RAPGEF1: variants seen among roughly 807,000 people sequenced by gnomAD.
The protein encoded by RAPGEF1 is Rap guanine nucleotide exchange factor 1.
A neutral mutation model predicts 143.3 loss-of-function variants in RAPGEF1; 33 were observed. That is an observed-to-expected ratio of 0.23 (90% CI 0.17 to 0.31). The LOEUF is 0.31. Ranked by LOEUF, RAPGEF1 falls within the 10% of genes least tolerant of loss-of-function variation. The pLI is 1.00. For synonymous variants in RAPGEF1, 629 were observed against 676.5 expected, an observed-to-expected ratio of 0.93 and a Z score of 1.09; for missense variants, 1,199 against 1,645.4, an observed-to-expected ratio of 0.73 and a Z score of 4.69.
Position 131,643,283 on chromosome 9 carries a change from C to T in RAPGEF1, c.450G>A (p.Glu150=). 6.2e-7 allele frequency: 1 copy of T among 1,613,060 alleles called. No individual in the cohort carries two copies. The highest frequency in any genetic ancestry group is 8.5e-7 in the Non-Finnish European group (1 of 1,179,676). ...MLPGSASKVL[E]AILPLVQNDP... Reference sequence around the variant, plus strand: ...CGTTCTGCACCAGGGGTAAGATGGCCTCCAGCACCTTGCTGGCTGACCCTG... The same window carrying T: ...CGTTCTGCACCAGGGGTAAGATGGCTTCCAGCACCTTGCTGGCTGACCCTG... Residue 150 remains glutamate, a synonymous_variant, in exon 4 of 27, where the codon GAG becomes GAA. Transcript: ENST00000683357.
intron 1 of RAPGEF1, chr9:131,709,999 A>T: frequency 1.1e-6 from 1 of 951,306 alleles, no homozygotes; most frequent in Non-Finnish European, 1.3e-6. Context: ...ATTACTCATC[A>T]GCACAACAGC....
At chr9:131,614,890 C>T (rs1180552649) in intron 12 of RAPGEF1, among the ~76,000 whole-genome samples, 2 of 149,398 alleles carry the variant, frequency 1.3e-5, no homozygotes, top group African/African-American at 4.9e-5. Context: ...AATATAACTT[C>T]TACTCACAAC....
intron 5 of RAPGEF1, among the ~76,000 whole-genome samples, chr9:131,636,731 G>A (rs1437741258): frequency 6.6e-6 from 1 of 152,154 alleles, no homozygotes; most frequent in African/African-American, 2.4e-5. Flanking sequence ...AGTGACTCAG[G>A]GCTGCTGATA....
intron 18 of RAPGEF1, 107 bp downstream of exon 18, chr9:131,591,992 C>T (rs892164109): frequency 1.1e-5 from 9 of 830,694 alleles, no homozygotes; most frequent in Non-Finnish European, 1.6e-5. Flanking sequence ...CACACTGCCA[C>T]CCAATATGCT....
rs549989363 is a variant in RAPGEF1, at chr9:131,701,422, C to T, written c.61+38348G>A. On this transcript the variant is annotated intron_variant, in intron 1 of 26. Coordinates refer to ENST00000683357, the MANE Select transcript of RAPGEF1 (RefSeq NM_001377935.1). The stretch of plus-strand genomic sequence containing the variant: ...ATCTGATCTTTCACTTAAGAAAAAA[C>T]CGATTTCCAGGACACTTTAGTTACA... Among the ~76,000 whole-genome samples, 238 of 152,292 alleles carry T rather than the reference C, an allele frequency of 1.6e-3. 2 individuals carry two copies. The highest frequency in any genetic ancestry group is 5.6e-3 in the African/African-American group (232 of 41,558).
intron 5 of RAPGEF1, among the ~76,000 whole-genome samples, chr9:131,633,876 T>C (rs1965619803): frequency 6.6e-6 from 1 of 152,228 alleles, no homozygotes; most frequent in Non-Finnish European, 1.5e-5. Context: ...TGACCATTTA[T>C]AATTTGGCAT....
chr9:131,615,394 A>G (rs1025536276), intron 12 of RAPGEF1, among the ~76,000 whole-genome samples: 4 of 152,054 alleles, frequency 2.6e-5, no homozygotes, highest in Admixed American at 2.6e-4. Flanking sequence ...GTTTTTTCCA[A>G]TGCCAACCCT....
At chr9:131,613,738 C>T (rs1958420882) in intron 12 of RAPGEF1, among the ~76,000 whole-genome samples, 2 of 152,146 alleles carry the variant, frequency 1.3e-5, no homozygotes, top group African/African-American at 2.4e-5. Flanking sequence ...AGCCTGCACT[C>T]AAACAGCTGG....
chr9:131,720,674 A>T (rs527927738), intron 1 of RAPGEF1, among the ~76,000 whole-genome samples: 12 of 152,276 alleles, frequency 7.9e-5, no homozygotes, highest in African/African-American at 1.9e-4. Context: ...TGTCACAAAC[A>T]TCAAGCTTCT....
intron 3 of RAPGEF1, among the ~76,000 whole-genome samples, chr9:131,649,845 C>T (rs990681585): frequency 5.3e-5 from 8 of 152,176 alleles, no homozygotes; most frequent in African/African-American, 1.7e-4. Flanking sequence ...GACTCGCCCA[C>T]ATCCCCTGGA....
chr9:131,660,698 T>G (rs1973826513), intron 1 of RAPGEF1, among the ~76,000 whole-genome samples: 1 of 152,230 alleles, frequency 6.6e-6, no homozygotes, highest in Non-Finnish European at 1.5e-5. Flanking sequence ...ATAGTCAAAC[T>G]GCCCCCCACT....
chr9:131,673,612 C>A (rs1413534520), intron 1 of RAPGEF1, among the ~76,000 whole-genome samples: 2 of 152,122 alleles, frequency 1.3e-5, no homozygotes, highest in African/African-American at 4.8e-5. Context: ...ACCCTGTGAC[C>A]CAAAGCACAG....
chr9:131,607,666 G>T (rs1957327732), intron 12 of RAPGEF1, among the ~76,000 whole-genome samples: 1 of 152,130 alleles, frequency 6.6e-6, no homozygotes, highest in South Asian at 2.1e-4. Context: ...AGATCTGCCA[G>T]ATGTTCATTC....
In RAPGEF1 at chr9:131,739,774, T is replaced by C; in HGVS notation, c.57A>G (p.Lys19=). ...RSPEMSGKIE[K]ADSQRSHLSS... ...CGCCCCACGCCCGCGCCTCACCTGC[T>C]TTCTCGATCTTGCCGGACATTTCCG... The change falls in exon 1 of 27, where the codon AAA becomes AAG. Residue 19 remains lysine (K), a synonymous_variant. Coordinates refer to ENST00000683357, the MANE Select transcript of RAPGEF1 (RefSeq NM_001377935.1). 2 of 1,174,590 alleles carry C rather than the reference T, an allele frequency of 1.7e-6. No individual in the cohort carries two copies. Among genetic ancestry groups the C allele is most frequent in the South Asian group, 1.8e-5 (1 of 57,052 alleles). 72.8% of individuals were successfully genotyped at this position (1,174,590 alleles called of 1,614,324 possible). A position where few individuals can be genotyped will look rare whatever the true frequency, so the allele number is the denominator to read the frequency against.
chr9:131,624,346 G>T (rs1275766953), intron 10 of RAPGEF1, among the ~76,000 whole-genome samples: 1 of 152,202 alleles, frequency 6.6e-6, no homozygotes, highest in Non-Finnish European at 1.5e-5. Context: ...GTTTTTTAGA[G>T]GTTTGCAGGC....
rs762007316 is a variant in RAPGEF1 at position 131,592,079 on chromosome 9, G to C, written c.2774+20C>G. The C allele has an allele frequency of 1.1e-5, 18 of 1,579,686 alleles. 1 individual carries two copies. Among genetic ancestry groups the C allele is most frequent in the Non-Finnish European group, 1.5e-5 (17 of 1,149,264 alleles). ...AAATGCCCATGGTGCAGGGGCCCTGGGTCAGGAAGGAAAGGATATCTGTAC... is the reference window on the plus strand; with the variant it reads ...AAATGCCCATGGTGCAGGGGCCCTGCGTCAGGAAGGAAAGGATATCTGTAC... On this transcript the variant is annotated intron_variant, in intron 18 of 26. Transcript: ENST00000683357.
chr9:131,737,327 C>T (rs1161374276), intron 1 of RAPGEF1: 2 of 1,608,954 alleles, frequency 1.2e-6, no homozygotes, highest in East Asian at 2.2e-5. Flanking sequence ...TATCTCAGCC[C>T]TCTCTTCAGA....
At chr9:131,609,341 C>T (rs1588418140) in intron 12 of RAPGEF1, among the ~76,000 whole-genome samples, 1 of 152,188 alleles carries the variant, frequency 6.6e-6, no homozygotes, top group African/African-American at 2.4e-5. Context: ...TGCCTAATAA[C>T]ACAGCTGGCA....
intron 25 of RAPGEF1, among the ~76,000 whole-genome samples, 170 bp from the exon 26 acceptor site, chr9:131,580,561 T>C (rs1220737729): frequency 6.6e-6 from 1 of 152,278 alleles, no homozygotes; most frequent in Admixed American, 6.5e-5. Flanking sequence ...CGCCTCAGCC[T>C]CTGGCCTCTG....
Sources: gnomAD v4.1 joint callset for allele counts (sites outside exome capture counted in the v4.1 genomes callset) on GRCh38, gnomAD v4.1.1 for gene constraint, MANE v1.5 for transcripts, NCBI Gene and HGNC (gene_info 2026-07-23, HGNC 2026-07-21) for gene names.